Variants in NSMCE2 observed in about 807,000 individuals in gnomAD.
NSMCE2 encodes the protein E3 SUMO-protein ligase NSE2.
NSMCE2 carries 24 observed loss-of-function variants against 23.8 expected under a neutral mutation model. The observed-to-expected ratio is 1.01, with a 90% CI of 0.73 to 1.42. The LOEUF is 1.42. Among genes scored for constraint, NSMCE2 ranks in the 40% most tolerant of loss-of-function variants. The pLI, the probability that NSMCE2 is intolerant of heterozygous loss-of-function variation, is 0.00. For synonymous variants in NSMCE2, 92 were observed against 94.1 expected, an observed-to-expected ratio of 0.98 and a Z score of 0.13; for missense variants, 284 against 296.5, an observed-to-expected ratio of 0.96 and a Z score of 0.31.
intron 4 of NSMCE2, among the ~76,000 whole-genome samples, chr8:125,161,876 T>C (rs1461668234): frequency 6.6e-6 from 1 of 152,136 alleles, no homozygotes; most frequent in Non-Finnish European, 1.5e-5. Context: ...CATTCTGACT[T>C]GCTTGCTTTT....
chr8:125,357,076 A>T (rs1223074518), intron 5 of NSMCE2, 143 bp from the exon 6 acceptor site: 4 of 615,300 alleles, frequency 6.5e-6, no homozygotes, highest in Non-Finnish European at 8.7e-6. Flanking sequence ...TCTGAAAAGC[A>T]GAAGAGTTTC....
chr8:125,153,115 C>T lies in NSMCE2; in HGVS notation c.264+1838C>T, dbSNP rs112136969. ...CTTTTCCCCCTTCAGGACATTGAGTCACTCATTTAAAAAAAAGTTTAAAAC... is the reference window on the plus strand; with the variant it reads ...CTTTTCCCCCTTCAGGACATTGAGTTACTCATTTAAAAAAAAGTTTAAAAC... On this transcript the variant is annotated intron_variant, in intron 4 of 7. Transcript: ENST00000287437. Among the ~76,000 whole-genome samples, 180 of 145,854 alleles carry T rather than the reference C, an allele frequency of 1.2e-3. 1 individual carries two copies. The highest frequency in any genetic ancestry group is 4.6e-3 in the African/African-American group (179 of 39,206).
Position 125,256,922 on chromosome 8 carries a change from CAAAAAAAAAAAAAAAAAA to C in NSMCE2, c.418+74686_418+74703del, listed in dbSNP as rs60308659. 4.9e-3 allele frequency among the ~76,000 whole-genome samples: 127 copies of C among 26,068 alleles called. 4 individuals carry two copies. The highest frequency in any genetic ancestry group is 9.9e-3 in the African/African-American group (90 of 9,090). 17.1% of individuals were successfully genotyped at this position (26,068 alleles called of 152,430 possible). A position where few individuals can be genotyped will look rare whatever the true frequency, so the allele number is the denominator to read the frequency against. Reference sequence around the variant, plus strand: ...TGGGCGACAAAGCAAGACTCTGTGTCAAAAAAAAAAAAAAAAAAAAAAAAAAAAAAAAAAAAAGAGGGC... The same window carrying C: ...TGGGCGACAAAGCAAGACTCTGTGTCAAAAAAAAAAAAAAAAAAAGAGGGC... On this transcript the variant is annotated intron_variant, in intron 5 of 7. Coordinates refer to ENST00000287437, the MANE Select transcript of NSMCE2 (RefSeq NM_173685.4).
chr8:125,139,649 A>C (rs1051981761), intron 3 of NSMCE2, among the ~76,000 whole-genome samples: 5 of 152,206 alleles, frequency 3.3e-5, no homozygotes, highest in Non-Finnish European at 5.9e-5. Flanking sequence ...AGAACAGCAC[A>C]GGAAAGACCT....
At chr8:125,245,972 C>T (rs573716513) in intron 5 of NSMCE2, among the ~76,000 whole-genome samples, 62 of 151,164 alleles carry the variant, frequency 4.1e-4, no homozygotes, top group East Asian at 5.9e-4. Flanking sequence ...TGCAGTGAGC[C>T]GAGATTGCGC....
chr8:125,250,748 T>G (rs2131010956), intron 5 of NSMCE2, among the ~76,000 whole-genome samples: 1 of 152,240 alleles, frequency 6.6e-6, no homozygotes, highest in Admixed American at 6.5e-5. Context: ...CCTCCCCAGC[T>G]CAAGAGATCC....
intron 5 of NSMCE2, among the ~76,000 whole-genome samples, chr8:125,184,677 A>G (rs554575458): frequency 6.6e-6 from 1 of 152,120 alleles, no homozygotes; most frequent in Non-Finnish European, 1.5e-5. Context: ...AGTATTATTA[A>G]TATAATACTT....
chr8:125,130,569 G>A (rs1819726649), intron 3 of NSMCE2, among the ~76,000 whole-genome samples: 1 of 152,078 alleles, frequency 6.6e-6, no homozygotes, highest in Non-Finnish European at 1.5e-5. Context: ...TTTTTGATTG[G>A]AAAGTGGTAT....
chr8:125,208,777 G>A (rs1824212494), intron 5 of NSMCE2, among the ~76,000 whole-genome samples: 1 of 152,104 alleles, frequency 6.6e-6, no homozygotes, highest in Non-Finnish European at 1.5e-5. Flanking sequence ...TAAGTGGAGA[G>A]GTAGGAATCC....
rs141657518 is a variant in NSMCE2, at chr8:125,283,879, C to T, written c.419-73340C>T. Among the ~76,000 whole-genome samples, 357 of 152,192 alleles carry T rather than the reference C, an allele frequency of 2.3e-3. 1 individual carries two copies. The highest frequency in any genetic ancestry group is 7.4e-3 in the African/African-American group (309 of 41,524). ...TTTAGAATGACTCAAGTAGGCCGGG[C>T]GCAGTGGCTCACGCCTGTAATCCCA... On this transcript the variant is annotated intron_variant, in intron 5 of 7. Transcript: ENST00000287437.
chr8:125,299,804 CTTTTTTTTTTT>C (rs58789139), intron 5 of NSMCE2, among the ~76,000 whole-genome samples: 62 of 70,262 alleles, frequency 8.8e-4, no homozygotes, highest in East Asian at 1.0e-3. Flanking sequence ...TTTTGGCTTT[CTTTTTTTTTTT>C]TTTTTTTTTT....
chr8:125,341,918 A>AAAAAC (rs1563795500), intron 5 of NSMCE2, among the ~76,000 whole-genome samples: 19 of 150,680 alleles, frequency 1.3e-4, no homozygotes, highest in Non-Finnish European at 1.5e-4. Context: ...AAAAAAAAAA[A>AAAAAC]AAAACCTGTC....
chr8:125,337,884 CAAAAAAAAAAAA>C (rs35658538), intron 5 of NSMCE2, among the ~76,000 whole-genome samples: 3 of 97,376 alleles, frequency 3.1e-5, no homozygotes, highest in Admixed American at 1.2e-4. Context: ...AACTCTATCT[CAAAAAAAAAAAA>C]AAAAAAAAAG....
At chr8:125,113,515 G>A (rs1016123075) in intron 3 of NSMCE2, among the ~76,000 whole-genome samples, 5 of 151,926 alleles carry the variant, frequency 3.3e-5, no homozygotes, top group Non-Finnish European at 7.4e-5. Context: ...TAGTTAAATG[G>A]GTAAAAAGAA....
intron 4 of NSMCE2, among the ~76,000 whole-genome samples, chr8:125,180,223 C>G (rs139273968): frequency 3.2e-4 from 48 of 152,276 alleles, no homozygotes; most frequent in African/African-American, 1.1e-3. Context: ...GCCTTTCTAT[C>G]TTCTCTTTTC....
At chr8:125,272,109 GT>G (rs1827224926) in intron 5 of NSMCE2, among the ~76,000 whole-genome samples, 2 of 151,352 alleles carry the variant, frequency 1.3e-5, no homozygotes, top group Non-Finnish European at 2.9e-5. Context: ...CGCCTCCCGG[GT>G]TCACGCCATT....
intron 4 of NSMCE2, among the ~76,000 whole-genome samples, chr8:125,172,478 A>G (rs892944330): frequency 1.3e-5 from 2 of 152,206 alleles, no homozygotes; most frequent in Non-Finnish European, 2.9e-5. Flanking sequence ...GTTTCCTCCT[A>G]AGGTGTTGCA....
intron 4 of NSMCE2, among the ~76,000 whole-genome samples, chr8:125,178,413 A>G (rs1211880329): frequency 6.6e-5 from 10 of 152,176 alleles, no homozygotes; most frequent in Non-Finnish European, 1.3e-4. Flanking sequence ...TCATGTAAGT[A>G]TGGTACCTAC....
At position 125,340,022 on chromosome 8, in the gene NSMCE2, T is replaced by TG. The variant is rs1554640804; in HGVS notation, c.419-17197_419-17196insG. On this transcript the variant is annotated intron_variant, in intron 5 of 7. Coordinates refer to ENST00000287437, the MANE Select transcript of NSMCE2 (RefSeq NM_173685.4). ...TTGTAGTTTTTTTTTGTTTTTTTTT[T>TG]TTTTTTTTTTGAGACGGAGTCTCGC... is the stretch of plus-strand genomic sequence containing the variant. Among the ~76,000 whole-genome samples the TG allele has an allele frequency of 1.1e-3, 163 of 144,174 alleles. 1 individual carries two copies. Among genetic ancestry groups the TG allele is most frequent in the Middle Eastern group, 3.5e-3 (1 of 284 alleles). 94.6% of individuals were successfully genotyped at this position (144,174 alleles called of 152,430 possible).
Sources: allele counts gnomAD v4.1 joint callset (sites outside exome capture counted in the v4.1 genomes callset), GRCh38; gene constraint gnomAD v4.1.1; transcripts MANE v1.5; gene names NCBI Gene and HGNC (gene_info 2026-07-23, HGNC 2026-07-21).